The following TBC1D8 variants were observed in gnomAD, a reference collection of about 807,000 sequenced individuals.
TBC1D8 encodes the protein TBC1 domain family member 8.
Under a neutral mutation model 118.8 loss-of-function variants are expected in TBC1D8, and 65 were observed. The observed-to-expected ratio is 0.55, with a 90% confidence interval of 0.45 to 0.67. The LOEUF (loss-of-function observed/expected upper bound fraction) is 0.67. Ranked by LOEUF, TBC1D8 falls within the 30% of genes least tolerant of loss-of-function variation. The pLI is 0.00. For synonymous variants in TBC1D8, 566 were observed against 595.8 expected (o/e 0.95, Z 0.73); for missense variants, 1,376 against 1,471.2 (o/e 0.94, Z 1.06).
Position 101,141,803 on chromosome 2 carries a change from G to A in TBC1D8, c.127+9324C>T, listed in dbSNP as rs184539485. ...ACAGAAAAACCACACATGAAGGCGCGCACACACACACACACACACACATAC... is the reference window on the plus strand; with the variant it reads ...ACAGAAAAACCACACATGAAGGCGCACACACACACACACACACACACATAC... On this transcript the variant is annotated intron_variant, in intron 1 of 19. Coordinates refer to ENST00000409318, the MANE Select transcript of TBC1D8 (RefSeq NM_001330348.2). Among the ~76,000 whole-genome samples the A allele has an allele frequency of 3.7e-3, 520 of 141,286 alleles. 8 individuals are homozygous for A. The highest frequency in any genetic ancestry group is 0.023 in the East Asian group (115 of 4,930). 92.7% of individuals were successfully genotyped at this position (141,286 alleles called of 152,430 possible).
At chr2:101,094,862 T>G (rs1159336059) in intron 1 of TBC1D8, among the ~76,000 whole-genome samples, 1 of 152,154 alleles carries the variant, frequency 6.6e-6, no homozygotes, top group Non-Finnish European at 1.5e-5. Context: ...CTCAGACTAT[T>G]CAGAGAACGA....
intron 1 of TBC1D8, among the ~76,000 whole-genome samples, chr2:101,146,531 A>C (rs1679323337): frequency 6.6e-6 from 1 of 152,226 alleles, no homozygotes; most frequent in South Asian, 2.1e-4. Context: ...TTCAGAGGAC[A>C]CAGCTGGGTG....
At chr2:101,080,980 T>C (rs1675225100) in intron 2 of TBC1D8, among the ~76,000 whole-genome samples, 1 of 152,054 alleles carries the variant, frequency 6.6e-6, no homozygotes, top group Non-Finnish European at 1.5e-5. Flanking sequence ...CTCACTGTGT[T>C]GCCCAGGCTG....
At chr2:101,013,279 A>T (rs2105363675) in intron 17 of TBC1D8, among the ~76,000 whole-genome samples, 1 of 152,372 alleles carries the variant, frequency 6.6e-6, no homozygotes, top group African/African-American at 2.4e-5. Context: ...CGATCTATTG[A>T]TGATCAGAAG....
intron 2 of TBC1D8, among the ~76,000 whole-genome samples, chr2:101,089,382 C>T (rs1441461119): frequency 6.6e-6 from 1 of 151,476 alleles, no homozygotes; most frequent in Non-Finnish European, 1.5e-5. Context: ...TTCTTATCCA[C>T]TTTTTCATTT....
intron 5 of TBC1D8, among the ~76,000 whole-genome samples, chr2:101,049,012 G>T (rs1681885067): frequency 2.0e-5 from 3 of 152,084 alleles, no homozygotes; most frequent in African/African-American, 7.2e-5. Context: ...TCTCTTGCTG[G>T]ACACTCAGAT....
intron 2 of TBC1D8, among the ~76,000 whole-genome samples, chr2:101,079,680 G>GTTC (rs1675120539): frequency 1.2e-5 from 1 of 81,792 alleles, no homozygotes. Flanking sequence ...GTCCAGTCTG[G>GTTC]TTTTTTTTTT....
At chr2:101,105,634 C>G (rs941941685) in intron 1 of TBC1D8, among the ~76,000 whole-genome samples, 1 of 146,374 alleles carries the variant, frequency 6.8e-6, no homozygotes, top group African/African-American at 2.5e-5. Flanking sequence ...AGTTGTCCAA[C>G]ATCTTTTGTC....
In TBC1D8 at chr2:101,037,600, G is replaced by C; in HGVS notation, c.1384C>G (p.Leu462Val). 6.2e-7 allele frequency: 1 copy of C among 1,613,668 alleles called. No individual in the cohort carries two copies. The highest frequency in any genetic ancestry group is 1.7e-5 in the Admixed American group (1 of 60,024). ...GTGACCAGGGCATCGGGGTGCATCAGCGGGCTCTTCTCTTTCTCACTCTCC... is the reference window on the plus strand; with the variant it reads ...GTGACCAGGGCATCGGGGTGCATCACCGGGCTCTTCTCTTTCTCACTCTCC... ...SEESEKEKSP[L>V]MHPDALVTAF... The change falls in exon 8 of 20, where the codon CTG becomes GTG. Residue 462 changes from leucine (L) to valine (V), a missense_variant. Transcript: ENST00000409318.
intron 5 of TBC1D8, among the ~76,000 whole-genome samples, chr2:101,049,233 A>G (rs987133426): frequency 2.0e-5 from 3 of 152,248 alleles, no homozygotes; most frequent in African/African-American, 7.2e-5. Flanking sequence ...TTTGGATAAT[A>G]AAGTTGAACT....
intron 1 of TBC1D8, among the ~76,000 whole-genome samples, chr2:101,133,037 G>A (rs992980349): frequency 6.6e-6 from 1 of 151,490 alleles, no homozygotes; most frequent in Non-Finnish European, 1.5e-5. Flanking sequence ...GCGGGCGCCT[G>A]TAATCCCAGC....
At chr2:101,093,491 T>A (rs2105460402) in intron 1 of TBC1D8, among the ~76,000 whole-genome samples, 1 of 152,192 alleles carries the variant, frequency 6.6e-6, no homozygotes, top group East Asian at 2.0e-4. Context: ...CACAGAGTTC[T>A]CATTTCTTTC....
At chr2:101,076,481 C>G (rs1271971005) in intron 2 of TBC1D8, among the ~76,000 whole-genome samples, 2 of 152,220 alleles carry the variant, frequency 1.3e-5, no homozygotes, top group Non-Finnish European at 2.9e-5. Context: ...TTCCTAAAAA[C>G]AGCTGCACCT....
At chr2:101,014,411 G>A (rs1679461824) in intron 17 of TBC1D8, among the ~76,000 whole-genome samples, 2 of 152,180 alleles carry the variant, frequency 1.3e-5, no homozygotes, top group Admixed American at 1.3e-4. Context: ...TCAGGACTGC[G>A]TGTTAAACTG....
chr2:101,088,673 G>A (rs1314055359), intron 2 of TBC1D8, among the ~76,000 whole-genome samples: 1 of 151,990 alleles, frequency 6.6e-6, no homozygotes, highest in African/African-American at 2.4e-5. Context: ...TCGAACTCGG[G>A]TTCAAGTGAT....
At chr2:101,070,462 G>C (rs1299688605) in intron 2 of TBC1D8, among the ~76,000 whole-genome samples, 1 of 150,712 alleles carries the variant, frequency 6.6e-6, no homozygotes, top group Non-Finnish European at 1.5e-5. Context: ...GCCCAGGCTG[G>C]AGTGCAGTGG....
chr2:101,151,008 G>C (rs1448787506), intron 1 of TBC1D8, 119 bp downstream of exon 1: 1 of 733,714 alleles, frequency 1.4e-6, no homozygotes, highest in Non-Finnish European at 1.7e-6. Flanking sequence ...GGGCCGTCCG[G>C]GCCCCGCGTC....
intron 2 of TBC1D8, chr2:101,068,485 A>G: frequency 2.6e-6 from 1 of 383,504 alleles, no homozygotes; most frequent in South Asian, 2.8e-5. Context: ...AAGTTCTTCC[A>G]AAACAAAGGT....
At chr2:101,121,380 G>C (rs1258744972) in intron 1 of TBC1D8, among the ~76,000 whole-genome samples, 1 of 152,158 alleles carries the variant, frequency 6.6e-6, no homozygotes, top group Non-Finnish European at 1.5e-5. Flanking sequence ...TGCCACACTA[G>C]AGGCGGACAC....
Sources: allele counts gnomAD v4.1 joint callset (sites outside exome capture counted in the v4.1 genomes callset), GRCh38; gene constraint gnomAD v4.1.1; transcripts MANE v1.5; gene names NCBI Gene and HGNC (gene_info 2026-07-23, HGNC 2026-07-21).